The following CSMD1 variants were observed in gnomAD, a reference collection of about 807,000 sequenced individuals.
CSMD1 encodes the protein CUB and sushi domain-containing protein 1.
In CSMD1, 213 loss-of-function variants were observed where a neutral mutation model predicts 417.5. The observed-to-expected ratio is 0.51, with a 90% CI of 0.46 to 0.57. CSMD1 has a LOEUF of 0.57. CSMD1 is among the 20% of genes least tolerant of loss of function. The pLI is 0.00. For missense variants in CSMD1, 6,923 were observed against 4,529.7 expected (o/e 1.53, Z -15.17); for synonymous variants, 2,862 against 1,736.8 (o/e 1.65, Z -16.11).
chr8:4,042,057 G>A (rs545259430), intron 3 of CSMD1, among the ~76,000 whole-genome samples: 36 of 152,040 alleles, frequency 2.4e-4, no homozygotes, highest in Non-Finnish European at 4.6e-4. Context: ...GCAGACACAA[G>A]TATGTAATTA....
chr8:4,129,689 T>C (rs1265336455), intron 3 of CSMD1, among the ~76,000 whole-genome samples: 1 of 152,228 alleles, frequency 6.6e-6, no homozygotes, highest in Non-Finnish European at 1.5e-5. Flanking sequence ...AATGACATTT[T>C]GTTATACAAG....
At chr8:4,250,102 T>A (rs1802961899) in intron 3 of CSMD1, among the ~76,000 whole-genome samples, 1 of 152,162 alleles carries the variant, frequency 6.6e-6, no homozygotes, top group Admixed American at 6.5e-5. Context: ...ATGGGATGAC[T>A]CAGCAAGAAA....
chr8:3,176,321 A>G (rs1213703734), intron 37 of CSMD1, among the ~76,000 whole-genome samples: 1 of 151,912 alleles, frequency 6.6e-6, no homozygotes, highest in African/African-American at 2.4e-5. Flanking sequence ...TTAATTCTGT[A>G]ATTTATCTGT....
At chr8:4,519,020 C>A (rs1803280582) in intron 2 of CSMD1, among the ~76,000 whole-genome samples, 1 of 152,120 alleles carries the variant, frequency 6.6e-6, no homozygotes, top group Non-Finnish European at 1.5e-5. Flanking sequence ...TTTCTTTTTA[C>A]CCAAACACTC....
intron 2 of CSMD1, among the ~76,000 whole-genome samples, chr8:4,568,405 G>C (rs573449886): frequency 6.6e-6 from 1 of 152,140 alleles, no homozygotes; most frequent in East Asian, 1.9e-4. Context: ...TCTTTACTGA[G>C]AATGGTTTCC....
At chr8:3,829,112 AC>A (rs1454434152) in intron 5 of CSMD1, among the ~76,000 whole-genome samples, 1 of 151,808 alleles carries the variant, frequency 6.6e-6, no homozygotes, top group East Asian at 1.9e-4. Flanking sequence ...TTTTATGAGA[AC>A]CTGGTGCACC....
intron 5 of CSMD1, among the ~76,000 whole-genome samples, chr8:3,989,238 G>C (rs965463946): frequency 2.0e-5 from 3 of 152,144 alleles, no homozygotes; most frequent in Non-Finnish European, 4.4e-5. Flanking sequence ...AGTGATCTGG[G>C]ACTTCCAGAG....
chr8:3,460,578 A>C (rs938022987), intron 12 of CSMD1, among the ~76,000 whole-genome samples: 2 of 152,158 alleles, frequency 1.3e-5, no homozygotes, highest in African/African-American at 4.8e-5. Context: ...TAGAGGGGAC[A>C]CTGTGGAAGC....
intron 3 of CSMD1, among the ~76,000 whole-genome samples, chr8:4,329,917 G>C (rs1180898255): frequency 6.6e-6 from 1 of 151,954 alleles, no homozygotes; most frequent in East Asian, 1.9e-4. Flanking sequence ...CTGGCCATGT[G>C]AGGTGTCTGC....
chr8:3,571,457 G>A (rs553784250), intron 10 of CSMD1, among the ~76,000 whole-genome samples: 1 of 152,220 alleles, frequency 6.6e-6, no homozygotes, highest in South Asian at 2.1e-4. Context: ...GGCATTGTTA[G>A]TAACTGTTCA....
chr8:3,758,769 A>G (rs1042677148), intron 5 of CSMD1, among the ~76,000 whole-genome samples: 8 of 152,208 alleles, frequency 5.3e-5, no homozygotes, highest in Non-Finnish European at 8.8e-5. Context: ...GAGACTGTCA[A>G]TGTGTCACCT....
At chr8:3,299,436 G>C (rs1278930581) in intron 25 of CSMD1, among the ~76,000 whole-genome samples, 1 of 152,056 alleles carries the variant, frequency 6.6e-6, no homozygotes, top group Non-Finnish European at 1.5e-5. Flanking sequence ...TGGGGGACAA[G>C]AGCAACACTT....
Position 3,912,117 on chromosome 8 carries a change from G to A in CSMD1, c.818+85786C>T, listed in dbSNP as rs568152740. 2.0e-5 allele frequency among the ~76,000 whole-genome samples: 3 copies of A among 152,148 alleles called. No homozygotes were observed. The East Asian group carries it at 5.8e-4, about 29-fold the overall frequency. ...TAAATATAACAGCTTGTCCAATTCT[G>A]AGACTGATTTTCTATTTTTATTTAA... On this transcript the variant is annotated intron_variant, in intron 5 of 69. Coordinates refer to ENST00000635120, the MANE Select transcript of CSMD1 (RefSeq NM_033225.6).
In CSMD1 at chr8:3,476,421, A is replaced by G. The variant is rs886338052; in HGVS notation, c.1449-7597T>C. On this transcript the variant is annotated intron_variant, in intron 11 of 69. Coordinates refer to ENST00000635120, the MANE Select transcript of CSMD1 (RefSeq NM_033225.6). ...GAATAGAGTTACTATAAACATTCAC[A>G]TGGTATAAAATTTTTCTAGGGTAAA... is the stretch of plus-strand genomic sequence containing the variant. Among the ~76,000 whole-genome samples, 16 of 152,304 alleles carry G rather than the reference A, an allele frequency of 1.1e-4. 1 individual carries two copies. In the South Asian group the frequency reaches 3.3e-3, roughly 32 times the overall value.
rs541997894 is a variant in CSMD1 at position 3,286,036 on chromosome 8, C to A, written c.3951-1690G>T. 8.3e-4 allele frequency among the ~76,000 whole-genome samples: 127 copies of A among 152,184 alleles called. 1 individual carries two copies. Among genetic ancestry groups the A allele is most frequent in the Admixed American group, 2.4e-3 (37 of 15,276 alleles). Reference sequence around the variant, plus strand: ...GTTCCCCTTCCTGTGTCCATGTGTTCTCACTGTTCAACTCCCACCTATGAG... The same window carrying A: ...GTTCCCCTTCCTGTGTCCATGTGTTATCACTGTTCAACTCCCACCTATGAG... On this transcript the variant is annotated intron_variant, in intron 25 of 69. Transcript: ENST00000635120.
chr8:4,229,854 G>T (rs185133544), intron 3 of CSMD1, among the ~76,000 whole-genome samples: 1 of 152,112 alleles, frequency 6.6e-6, no homozygotes, highest in African/African-American at 2.4e-5. Context: ...TATCGCTTTG[G>T]TCTGTGTTCT....
At chr8:3,776,037 G>T (rs13439130) in intron 5 of CSMD1, among the ~76,000 whole-genome samples, 2 of 152,128 alleles carry the variant, frequency 1.3e-5, no homozygotes, top group African/African-American at 4.8e-5. Flanking sequence ...TATTCCATGT[G>T]CTGGAGCCAC....
chr8:4,560,278 G>C (rs566443872), intron 2 of CSMD1, among the ~76,000 whole-genome samples: 3 of 152,188 alleles, frequency 2.0e-5, no homozygotes, highest in Non-Finnish European at 2.9e-5. Context: ...ACTATGTGAC[G>C]ATGTGCAGTT....
chr8:3,668,273 G>C (rs1421945397), intron 7 of CSMD1, among the ~76,000 whole-genome samples: 1 of 152,188 alleles, frequency 6.6e-6, no homozygotes, highest in African/African-American at 2.4e-5. Context: ...AGCCTGCGAA[G>C]ATGGCCCTGT....
Sources: allele counts gnomAD v4.1 joint callset (sites outside exome capture counted in the v4.1 genomes callset), GRCh38; gene constraint gnomAD v4.1.1; transcripts MANE v1.5; gene names NCBI Gene and HGNC (gene_info 2026-07-23, HGNC 2026-07-21).